NUFIP2: variants seen among roughly 807,000 people sequenced by gnomAD.
NUFIP2 encodes the protein FMR1-interacting protein NUFIP2.
Under a neutral mutation model 56.9 loss-of-function variants are expected in NUFIP2, and 6 were observed. The ratio of observed to expected loss-of-function variants is 0.11; its 90% CI spans 0.06 to 0.21. NUFIP2 has a LOEUF of 0.21. Among genes scored for constraint, NUFIP2 ranks in the 10% least tolerant of loss-of-function variants. The probability of loss-of-function intolerance (pLI) is 1.00; values close to 1 mark genes in which losing one functional copy is unlikely to be tolerated. For synonymous variants in NUFIP2, 321 were observed against 298.2 expected (o/e 1.08, Z -0.79); for missense variants, 828 against 826.8 (o/e 1.00, Z -0.02).
Position 29,286,621 on chromosome 17 carries a change from C to T in NUFIP2, c.1373G>A (p.Ser458Asn). The T allele has an allele frequency of 6.2e-7, 1 of 1,614,188 alleles. No homozygotes were observed. The highest frequency in any genetic ancestry group is 1.1e-5 in the South Asian group (1 of 91,088). The change falls in exon 2 of 4, where the codon AGT (serine) becomes AAT (asparagine). Residue 458 changes from serine (S) to asparagine (N), a missense_variant. By Grantham distance (46) the Ser-to-Asn change is conservative (BLOSUM62 1). Transcript: ENST00000225388. ...SGTDSVLQDM[S>N]LTSAAVEQIK... ...TTGTTCAACAGCTGCTGAAGTTAGACTCATGTCCTGGAGAACTGAATCTGT... is the reference window on the plus strand; with the variant it reads ...TTGTTCAACAGCTGCTGAAGTTAGATTCATGTCCTGGAGAACTGAATCTGT...
intron 2 of NUFIP2, among the ~76,000 whole-genome samples, chr17:29,268,643 G>A (rs1179402418): frequency 3.3e-5 from 5 of 152,084 alleles, no homozygotes; most frequent in Non-Finnish European, 5.9e-5. Context: ...TCAGCCTCCC[G>A]AGTAGCTGGG....
intron 2 of NUFIP2, among the ~76,000 whole-genome samples, chr17:29,277,941 G>A (rs1378105839): frequency 6.6e-6 from 1 of 152,106 alleles, no homozygotes; most frequent in African/African-American, 2.4e-5. Flanking sequence ...GAACCCAGGA[G>A]GTAGAGGTAG....
intron 2 of NUFIP2, among the ~76,000 whole-genome samples, chr17:29,280,713 T>C (rs2069134391): frequency 6.6e-6 from 1 of 151,944 alleles, no homozygotes; most frequent in African/African-American, 2.4e-5. Flanking sequence ...CAGCCAGGTG[T>C]GGTGGCTCAT....
At chr17:29,292,992 C>T (rs999716136) in intron 1 of NUFIP2, among the ~76,000 whole-genome samples, 3 of 150,696 alleles carry the variant, frequency 2.0e-5, no homozygotes, top group Non-Finnish European at 4.4e-5. Flanking sequence ...CCCGTGTGGC[C>T]CTCGACACCC....
chr17:29,278,467 C>T (rs1439662880), intron 2 of NUFIP2, among the ~76,000 whole-genome samples: 1 of 151,956 alleles, frequency 6.6e-6, no homozygotes, highest in Non-Finnish European at 1.5e-5. Flanking sequence ...AGGATGGTCT[C>T]GATCTCCTGA....
intron 2 of NUFIP2, among the ~76,000 whole-genome samples, chr17:29,273,108 C>T (rs987872332): frequency 1.3e-5 from 2 of 150,406 alleles, no homozygotes; most frequent in African/African-American, 2.5e-5. Flanking sequence ...GGTGAGATCT[C>T]GGCTCACTGC....
At chr17:29,276,216 AT>A (rs1393655726) in intron 2 of NUFIP2, among the ~76,000 whole-genome samples, 1 of 152,032 alleles carries the variant, frequency 6.6e-6, no homozygotes, top group Non-Finnish European at 1.5e-5. Flanking sequence ...AACTTGTACC[AT>A]TCATCTTCCT....
Position 29,294,050 on chromosome 17 carries a change from T to C in NUFIP2, c.10A>G (p.Lys4Glu). 6.3e-7 allele frequency: 1 copy of C among 1,599,962 alleles called. No homozygotes were observed. The highest frequency in any genetic ancestry group is 8.5e-7 in the Non-Finnish European group (1 of 1,171,212). MEEKPGQPQPQHHH... is the reference protein window; with the variant it reads MEEEPGQPQPQHHH... The stretch of plus-strand genomic sequence containing the variant: ...TGCTGAGGCTGTGGCTGGCCGGGCT[T>C]CTCCTCCATTGAAAGCGGCTGGGAC... The change falls in exon 1 of 4, where the codon AAG becomes GAG. Residue 4 changes from lysine to glutamate, a missense_variant. This residue lies in a region of NUFIP2 where 415 missense variants were observed against 408.7 expected (regional missense o/e 1.02). Coordinates refer to ENST00000225388, the MANE Select transcript of NUFIP2 (RefSeq NM_020772.3).
At chr17:29,278,911 G>T (rs1015810033) in intron 2 of NUFIP2, among the ~76,000 whole-genome samples, 2 of 152,110 alleles carry the variant, frequency 1.3e-5, no homozygotes, top group Admixed American at 1.3e-4. Context: ...TGGGAGAAAG[G>T]GGACCTTATC....
intron 2 of NUFIP2, among the ~76,000 whole-genome samples, chr17:29,278,486 T>C (rs1024611837): frequency 2.0e-5 from 3 of 152,206 alleles, no homozygotes; most frequent in Non-Finnish European, 4.4e-5. Flanking sequence ...GACCTCGTGA[T>C]CTGCCCGCCT....
At chr17:29,272,874 G>T (rs780556023) in intron 2 of NUFIP2, among the ~76,000 whole-genome samples, 97 of 149,604 alleles carry the variant, frequency 6.5e-4, no homozygotes, top group Middle Eastern at 3.4e-3. Context: ...TTTTTTTTGA[G>T]AGAGTCTTGC....
intron 2 of NUFIP2, among the ~76,000 whole-genome samples, chr17:29,278,255 A>T (rs1049613669): frequency 1.4e-4 from 21 of 149,792 alleles, no homozygotes; most frequent in Admixed American, 3.3e-4. Flanking sequence ...CTTTATTATT[A>T]TTTTTTTTTG....
At chr17:29,273,272 T>C (rs1331537203) in intron 2 of NUFIP2, among the ~76,000 whole-genome samples, 2 of 152,120 alleles carry the variant, frequency 1.3e-5, no homozygotes, top group African/African-American at 4.8e-5. Flanking sequence ...ACTCCTGACC[T>C]CGTGATCCAC....
intron 1 of NUFIP2, among the ~76,000 whole-genome samples, chr17:29,293,278 T>A (rs2153013219): frequency 6.7e-6 from 1 of 149,770 alleles, no homozygotes; most frequent in African/African-American, 2.5e-5. Context: ...CAGGTGGGCT[T>A]GGGGTGGCGG....
At chr17:29,272,998 C>A (rs1046534144) in intron 2 of NUFIP2, among the ~76,000 whole-genome samples, 1 of 150,576 alleles carries the variant, frequency 6.6e-6, no homozygotes. Context: ...TACAGGCACA[C>A]GCCACCAGGC....
At chr17:29,271,483 G>A (rs1337903018) in intron 2 of NUFIP2, among the ~76,000 whole-genome samples, 1 of 151,758 alleles carries the variant, frequency 6.6e-6, no homozygotes, top group African/African-American at 2.4e-5. Context: ...GTTGCAGTGA[G>A]CCGAGATCGT....
intron 1 of NUFIP2, 90 bp downstream of exon 1, chr17:29,293,693 C>T: frequency 7.3e-7 from 1 of 1,370,278 alleles, no homozygotes; most frequent in Non-Finnish European, 9.8e-7. Context: ...ACACCCCGAC[C>T]CCGTCCGCGC....
chr17:29,276,798 G>A (rs1160274639), intron 2 of NUFIP2, among the ~76,000 whole-genome samples: 3 of 152,244 alleles, frequency 2.0e-5, no homozygotes, highest in African/African-American at 7.2e-5. Context: ...AAGTCAGCCA[G>A]GAAGTAATAA....
Position 29,287,309 on chromosome 17 carries a change from T to C in NUFIP2, c.685A>G (p.Asn229Asp). 1 of 1,614,216 alleles carries C rather than the reference T, an allele frequency of 6.2e-7. No individual in the cohort carries two copies. The highest frequency in any genetic ancestry group is 8.5e-7 in the Non-Finnish European group (1 of 1,180,050). Residue 229 changes from asparagine (N) to aspartate (D), a missense_variant, in exon 2 of 4, where the codon AAT (asparagine) becomes GAT (aspartate). Transcript: ENST00000225388. ...AGGTTTTCACAACCCTTGGCACTAT[T>C]GCGCCTAGCTTTCCTTTTTTTAGGA... ...TTPKKRKARR[N>D]SAKGCENLNI...
Sources: allele counts gnomAD v4.1 joint callset (sites outside exome capture counted in the v4.1 genomes callset), GRCh38; gene constraint gnomAD v4.1.1; regional missense constraint gnomAD v4.1.1; transcripts MANE v1.5; gene names NCBI Gene and HGNC (gene_info 2026-07-23, HGNC 2026-07-21).